ASIC2: variants seen among roughly 807,000 people sequenced by gnomAD.
The protein encoded by ASIC2 is acid-sensing ion channel 2.
Under a neutral mutation model 57.3 loss-of-function variants are expected in ASIC2, and 25 were observed. That is an observed-to-expected ratio of 0.44 (90% CI 0.32 to 0.61). The LOEUF (loss-of-function observed/expected upper bound fraction) is 0.61, where lower values mean the gene tolerates loss of function less well. Ranked by LOEUF, ASIC2 falls within the 20% of genes least tolerant of loss-of-function variation. The pLI is 0.06. For synonymous variants in ASIC2, 319 were observed against 307.5 expected (o/e 1.04, Z -0.39); for missense variants, 641 against 738.1 (o/e 0.87, Z 1.52).
intron 1 of ASIC2, among the ~76,000 whole-genome samples, chr17:33,381,891 T>C (rs1466854130): frequency 1.3e-5 from 2 of 152,202 alleles, no homozygotes; most frequent in Non-Finnish European, 2.9e-5. Context: ...TGAGGGTTAC[T>C]GTAAAGATGA....
intron 1 of ASIC2, among the ~76,000 whole-genome samples, chr17:34,034,692 G>A (rs1254699496): frequency 2.0e-5 from 3 of 152,008 alleles, no homozygotes; most frequent in Non-Finnish European, 2.9e-5. Context: ...ATGTACAAAA[G>A]TCACAAGCAT....
At chr17:33,453,221 T>G (rs1341302410) in intron 1 of ASIC2, among the ~76,000 whole-genome samples, 1 of 148,548 alleles carries the variant, frequency 6.7e-6, no homozygotes, top group African/African-American at 2.5e-5. Flanking sequence ...ATTGGGGAGC[T>G]GGGGTATGGG....
chr17:33,582,233 C>G (rs890434908), intron 1 of ASIC2, among the ~76,000 whole-genome samples: 2 of 152,164 alleles, frequency 1.3e-5, no homozygotes, highest in Non-Finnish European at 2.9e-5. Context: ...TTGTGAGCAC[C>G]TGGAGGGCAG....
chr17:33,370,193 G>A (rs546008248), intron 1 of ASIC2, among the ~76,000 whole-genome samples: 9 of 152,262 alleles, frequency 5.9e-5, no homozygotes, highest in African/African-American at 1.9e-4. Flanking sequence ...ATCTGAGCCC[G>A]CAATGCAGGC....
At chr17:33,877,047 T>C (rs1045497758) in intron 1 of ASIC2, among the ~76,000 whole-genome samples, 2 of 152,254 alleles carry the variant, frequency 1.3e-5, no homozygotes, top group East Asian at 1.9e-4. Flanking sequence ...AGAAAGCTAC[T>C]AGTGAGGCCA....
chr17:33,323,587 G>A (rs1220993023), intron 1 of ASIC2, among the ~76,000 whole-genome samples: 7 of 152,170 alleles, frequency 4.6e-5, no homozygotes, highest in East Asian at 1.9e-4. Flanking sequence ...GGTGGCAGAC[G>A]CCTGTAATCC....
Position 34,018,105 on chromosome 17 carries a change from C to G in ASIC2, c.555+137873G>C, listed in dbSNP as rs377231774. ...TGGCTTCAAAGCTTCAATGAACAGGCTGACTCTCTTGTTAGGCTCTGAATG... is the reference window on the plus strand; with the variant it reads ...TGGCTTCAAAGCTTCAATGAACAGGGTGACTCTCTTGTTAGGCTCTGAATG... On this transcript the variant is annotated intron_variant, in intron 1 of 9. Transcript: ENST00000359872. Among the ~76,000 whole-genome samples the G allele has an allele frequency of 2.1e-3, 313 of 152,256 alleles. 1 individual carries two copies. The highest frequency in any genetic ancestry group is 7.3e-3 in the African/African-American group (302 of 41,544).
At chr17:33,735,774 A>G (rs1001095499) in intron 1 of ASIC2, among the ~76,000 whole-genome samples, 1 of 152,042 alleles carries the variant, frequency 6.6e-6, no homozygotes. Flanking sequence ...AATTCTAATG[A>G]TTAGAAGGGT....
intron 1 of ASIC2, among the ~76,000 whole-genome samples, chr17:33,597,363 C>A (rs1905012214): frequency 6.6e-6 from 1 of 152,166 alleles, no homozygotes; most frequent in South Asian, 2.1e-4. Context: ...CTCTTAGGGC[C>A]TCAAAGGCAT....
At chr17:33,093,983 A>C (rs371890473) in intron 2 of ASIC2, among the ~76,000 whole-genome samples, 3 of 152,170 alleles carry the variant, frequency 2.0e-5, no homozygotes, top group South Asian at 4.1e-4. Context: ...GGGGAACCCT[A>C]GCTCCCCAGA....
chr17:33,850,883 C>T (rs902895361), intron 1 of ASIC2, among the ~76,000 whole-genome samples: 2 of 151,898 alleles, frequency 1.3e-5, no homozygotes, highest in Non-Finnish European at 2.9e-5. Flanking sequence ...GCAATCCCAG[C>T]AAAATGACTT....
At chr17:33,895,836 A>C (rs1915081473) in intron 1 of ASIC2, among the ~76,000 whole-genome samples, 2 of 152,218 alleles carry the variant, frequency 1.3e-5, no homozygotes. Flanking sequence ...TAAGGCAAGA[A>C]CATGGACTCT....
chr17:33,525,260 T>C (rs1914854563), intron 1 of ASIC2, among the ~76,000 whole-genome samples: 1 of 152,132 alleles, frequency 6.6e-6, no homozygotes, highest in Admixed American at 6.5e-5. Context: ...TCTTTCTGAG[T>C]AGGGCGGACA....
chr17:33,841,054 G>GA (rs370640902), intron 1 of ASIC2, among the ~76,000 whole-genome samples: 16 of 150,374 alleles, frequency 1.1e-4, no homozygotes, highest in South Asian at 4.2e-4. Context: ...AAAGTTACCT[G>GA]AAAAAAAAAG....
chr17:33,560,790 A>G (rs1459556123), intron 1 of ASIC2, among the ~76,000 whole-genome samples: 3 of 152,184 alleles, frequency 2.0e-5, no homozygotes, highest in African/African-American at 7.2e-5. Context: ...TCTTTATAAT[A>G]ACTCCATACG....
At chr17:34,018,663 A>G (rs1008671918) in intron 1 of ASIC2, among the ~76,000 whole-genome samples, 1 of 152,104 alleles carries the variant, frequency 6.6e-6, no homozygotes, top group Non-Finnish European at 1.5e-5. Flanking sequence ...GTTGATTCCA[A>G]CCCTCATGGG....
intron 1 of ASIC2, among the ~76,000 whole-genome samples, chr17:33,455,269 T>G (rs1277265247): frequency 1.3e-5 from 2 of 152,222 alleles, no homozygotes; most frequent in African/African-American, 4.8e-5. Flanking sequence ...TGCTGAAATT[T>G]GGGGTGTGAA....
intron 1 of ASIC2, among the ~76,000 whole-genome samples, chr17:34,102,813 T>C (rs182838955): frequency 6.6e-6 from 1 of 152,372 alleles, no homozygotes; most frequent in African/African-American, 2.4e-5. Flanking sequence ...TAGGTATTTG[T>C]TTGCATTTCT....
intron 1 of ASIC2, among the ~76,000 whole-genome samples, chr17:33,788,899 T>TG (rs975759755): frequency 1.3e-5 from 2 of 152,022 alleles, no homozygotes; most frequent in East Asian, 1.9e-4. Context: ...CAGGGCCTGT[T>TG]GGGGGGGTTG....
Sources: gnomAD v4.1 joint callset for allele counts (sites outside exome capture counted in the v4.1 genomes callset) on GRCh38, gnomAD v4.1.1 for gene constraint, MANE v1.5 for transcripts, NCBI Gene and HGNC (gene_info 2026-07-23, HGNC 2026-07-21) for gene names.